The following SLX4 variants were observed in gnomAD, a reference collection of about 807,000 sequenced individuals.
SLX4 encodes SLX4 structure-specific endonuclease subunit.
A neutral mutation model predicts 146.2 loss-of-function variants in SLX4; 112 were observed. The ratio of observed to expected loss-of-function variants is 0.77; its 90% CI spans 0.66 to 0.90. The LOEUF (loss-of-function observed/expected upper bound fraction) is 0.90, where lower values mean the gene tolerates loss of function less well. SLX4 is among the 40% of genes least tolerant of loss of function. The pLI is 0.00. For synonymous variants in SLX4, 1,061 were observed against 997.7 expected, an observed-to-expected ratio of 1.06 and a Z score of -1.20; for missense variants, 2,563 against 2,392.7, an observed-to-expected ratio of 1.07 and a Z score of -1.49.
chr16:3,603,714 G>A (rs972740843), intron 3 of SLX4, among the ~76,000 whole-genome samples: 1 of 152,224 alleles, frequency 6.6e-6, no homozygotes, highest in African/African-American at 2.4e-5. Context: ...ATGGAGAACA[G>A]GAGCACCTGG....
intron 5 of SLX4, chr16:3,600,643 C>A: frequency 3.6e-6 from 1 of 278,654 alleles, no homozygotes. Flanking sequence ...TCACTCTGTC[C>A]AGGCTGGAGT....
Position 3,591,006 on chromosome 16 carries a change from C to G in SLX4, c.2632G>C (p.Asp878His). Residue 878 changes from aspartate to histidine, a missense_variant, in exon 12 of 15, where the codon GAC becomes CAC. Transcript: ENST00000294008. ...ACCGGACTGCCACCCTCCAGCCAGT[C>G]AGCGTCCTCGCCGGCACCCGCTGCC... ...ERAAGAGEDA[D>H]WLEGGSPVSG... 6.2e-7 allele frequency: 1 copy of G among 1,614,212 alleles called. No homozygotes were observed. The highest frequency in any genetic ancestry group is 8.5e-7 in the Non-Finnish European group (1 of 1,180,052).
intron 13 of SLX4, among the ~76,000 whole-genome samples, chr16:3,584,068 C>T (rs1257413602): frequency 1.3e-5 from 2 of 152,172 alleles, no homozygotes; most frequent in East Asian, 3.9e-4. Context: ...GCAGCTTCCC[C>T]GGGTGCCCGA....
In SLX4 at chr16:3,608,909, T is replaced by C. The variant is rs373569281; in HGVS notation, c.56A>G (p.His19Arg). The C allele has an allele frequency of 1.2e-6, 2 of 1,614,088 alleles. No individual in the cohort carries two copies. The highest frequency in any genetic ancestry group is 2.7e-5 in the African/African-American group (2 of 74,928). Residue 19 changes from histidine to arginine, a missense_variant, in exon 2 of 15, where the codon CAT becomes CGT. By Grantham distance (29) the His-to-Arg change is conservative. Transcript: ENST00000294008. Reference sequence around the variant, plus strand: ...GTCAATCCCAGGACAGGCAGACAGATGAGAAAGTGAACCCAAGTAGAAGCC... The same window carrying C: ...GTCAATCCCAGGACAGGCAGACAGACGAGAAAGTGAACCCAAGTAGAAGCC... ...QLGFYLGSLS[H>R]LSACPGIDPR...
intron 3 of SLX4, among the ~76,000 whole-genome samples, chr16:3,605,071 C>G (rs1467167572): frequency 6.6e-6 from 1 of 151,480 alleles, no homozygotes; most frequent in Non-Finnish European, 1.5e-5. Flanking sequence ...CAGTTGTGCA[C>G]CATCATGCCC....
intron 12 of SLX4, among the ~76,000 whole-genome samples, chr16:3,588,353 C>A (rs1277911105): frequency 6.6e-6 from 1 of 152,226 alleles, no homozygotes; most frequent in African/African-American, 2.4e-5. Flanking sequence ...TCTGGCTTCT[C>A]TCACCCGGCA....
intron 14 of SLX4, 87 bp downstream of exon 14, chr16:3,583,010 G>A: frequency 6.6e-7 from 1 of 1,517,490 alleles, no homozygotes; most frequent in Non-Finnish European, 9.1e-7. Flanking sequence ...TTGAAGATTG[G>A]CCATTAGGTC....
intron 14 of SLX4, 78 bp downstream of exon 14, chr16:3,583,019 T>G: frequency 1.3e-6 from 2 of 1,548,998 alleles, no homozygotes; most frequent in Non-Finnish European, 1.8e-6. Flanking sequence ...GGCCATTAGG[T>G]CTCACTCGTG....
chr16:3,603,784 C>G (rs566005382), intron 3 of SLX4, among the ~76,000 whole-genome samples: 1 of 152,218 alleles, frequency 6.6e-6, no homozygotes, highest in Non-Finnish European at 1.5e-5. Context: ...GGGGCACTGT[C>G]GCCACCCTGT....
In SLX4 at chr16:3,584,845, G is replaced by T. The variant is rs746870470; in HGVS notation, c.4663C>A (p.Pro1555Thr). 3 of 1,613,846 alleles carry T rather than the reference G, an allele frequency of 1.9e-6. No homozygotes were observed. Among genetic ancestry groups the T allele is most frequent in the Non-Finnish European group, 1.7e-6 (2 of 1,179,720 alleles). ...ATCGGCGTTATGGGCACTTTGGGGGGCAAGTTCTTCTTCCGATTAGCACCT... is the reference window on the plus strand; with the variant it reads ...ATCGGCGTTATGGGCACTTTGGGGGTCAAGTTCTTCTTCCGATTAGCACCT... ...PKGANRKKNL[P>T]PKVPITPMPQ... The change falls in exon 13 of 15, where the codon CCC becomes ACC. Residue 1555 changes from proline to threonine, a missense_variant. Pro to Thr is a conservative substitution (Grantham distance 38). Transcript: ENST00000294008.
intron 10 of SLX4, among the ~76,000 whole-genome samples, chr16:3,593,411 TCTCA>T (rs1327238251): frequency 2.0e-5 from 3 of 152,166 alleles, no homozygotes; most frequent in African/African-American, 7.2e-5. Flanking sequence ...AGAGATGGGC[TCTCA>T]CTGTGTTGTT....
chr16:3,606,072 C>T lies in SLX4; in HGVS notation c.760+402G>A, dbSNP rs542605604. On this transcript the variant is annotated intron_variant, in intron 3 of 14. Transcript: ENST00000294008. The stretch of plus-strand genomic sequence containing the variant: ...GTCAGGAGTTCGAGACCAGCCTGGC[C>T]AACTTGGCGAAACCCTGTCTCTACT... Among the ~76,000 whole-genome samples the T allele has an allele frequency of 3.3e-5, 5 of 151,822 alleles. No individual in the cohort carries two copies. In the East Asian group the frequency reaches 5.8e-4, roughly 18 times the overall value.
rs780762975 is a variant in SLX4, at chr16:3,594,346, G to C, written c.2160+107C>G. 44 of 1,414,224 alleles carry C rather than the reference G, an allele frequency of 3.1e-5. No homozygotes were observed. The East Asian group carries it at 3.3e-4, about 10-fold the overall frequency. The allele number at this position is 1,414,224 out of a possible 1,614,324, so 87.6% of individuals were successfully genotyped here. ...GGTGGGGCAGGAAGTGAGGGAGAGT[G>C]GGGGGGTGGAAAGGGCACCTGAGAC... On this transcript the variant is annotated intron_variant, in intron 10 of 14. Transcript: ENST00000294008.
At position 3,597,471 on chromosome 16, in the gene SLX4, A is replaced by G. The variant is rs766375138; in HGVS notation, c.1591T>C (p.Trp531Arg). Residue 531 changes from tryptophan (W) to arginine (R), a missense_variant, in exon 7 of 15, where the codon TGG becomes CGG. Coordinates refer to ENST00000294008, the MANE Select transcript of SLX4 (RefSeq NM_032444.4). This position sits in a 1 kb window ranked among gnomAD's most constrained non-coding sequence, Gnocchi z 4.4. ...PPPERKQSFL[W>R]EGSALTGAWA... ...GCCCCAGTCAGTGCGCTGCCCTCCCACAGAAAGCTCTGCTTGCGTTCAGGT... is the reference window on the plus strand; with the variant it reads ...GCCCCAGTCAGTGCGCTGCCCTCCCGCAGAAAGCTCTGCTTGCGTTCAGGT... 1.2e-6 allele frequency: 2 copies of G among 1,613,802 alleles called. No homozygotes were observed. Among genetic ancestry groups the G allele is most frequent in the East Asian group, 2.2e-5 (1 of 44,860 alleles).
intron 12 of SLX4, 116 bp from the exon 13 acceptor site, chr16:3,584,987 T>A: frequency 2.4e-6 from 2 of 844,402 alleles, no homozygotes; most frequent in South Asian, 2.7e-5. Context: ...AAGCATCGTT[T>A]TGCTCCATGA....
Position 3,595,627 on chromosome 16 carries a change from G to A in SLX4, c.1991C>T (p.Pro664Leu), listed in dbSNP as rs369805557. Reference protein sequence around the residue: ...GFVVPSQDKHPDRGGRTLLSL... With the variant: ...GFVVPSQDKHLDRGGRTLLSL... ...TACCAAGGTGCGGCCGCCCCTGTCC[G>A]GGTGCTTGTCCTGCGATGGCACCAC... Residue 664 changes from proline (P) to leucine (L), a missense_variant, in exon 9 of 15, where the codon CCG becomes CTG. By Grantham distance (98) the Pro-to-Leu change is moderately conservative (BLOSUM62 -3). Coordinates refer to ENST00000294008, the MANE Select transcript of SLX4 (RefSeq NM_032444.4). The A allele has an allele frequency of 1.4e-5, 23 of 1,613,846 alleles. No individual in the cohort carries two copies. The highest frequency in any genetic ancestry group is 4.0e-5 in the African/African-American group (3 of 74,912).
chr16:3,592,439 G>A (rs190227166), intron 11 of SLX4, among the ~76,000 whole-genome samples: 34 of 152,304 alleles, frequency 2.2e-4, no homozygotes, highest in African/African-American at 7.5e-4. Flanking sequence ...ACACCTAGGG[G>A]GTTAAAAACC....
At chr16:3,608,409 G>GTTT in intron 2 of SLX4, 21 bp downstream of exon 2, 1 of 1,614,034 alleles carries the variant, frequency 6.2e-7, no homozygotes, top group Non-Finnish European at 8.5e-7. Flanking sequence ...CCAGCCCCTG[G>GTTT]TTTAAAAGAG....
chr16:3,584,185 A>G (rs539286459), intron 13 of SLX4, among the ~76,000 whole-genome samples: 2 of 152,072 alleles, frequency 1.3e-5, no homozygotes, highest in African/African-American at 2.4e-5. Context: ...CATTTTGGGA[A>G]GCCGAGGCGG....
Sources: gnomAD v4.1 joint callset for allele counts (sites outside exome capture counted in the v4.1 genomes callset) on GRCh38, gnomAD v4.1.1 for gene constraint, Gnocchi (gnomAD v3.1) non-coding constraint, MANE v1.5 for transcripts, NCBI Gene and HGNC (gene_info 2026-07-23, HGNC 2026-07-21) for gene names.